Variants in GALNTL6 observed in about 807,000 individuals in gnomAD.
GALNTL6 encodes the protein polypeptide N-acetylgalactosaminyltransferase-like 6.
GALNTL6 carries 46 observed loss-of-function variants against 73.7 expected under a neutral mutation model. The ratio of observed to expected loss-of-function variants is 0.62; its 90% CI spans 0.49 to 0.80. The LOEUF (loss-of-function observed/expected upper bound fraction) is 0.80. Among genes scored for constraint, GALNTL6 ranks in the 30% least tolerant of loss-of-function variants. The pLI, the probability that GALNTL6 is intolerant of heterozygous loss-of-function variation, is 0.00. For missense variants in GALNTL6, 604 were observed against 755.0 expected (o/e 0.80, Z 2.34); for synonymous variants, 259 against 263.7 (o/e 0.98, Z 0.17).
chr4:172,768,191 C>T (rs1738553031), intron 5 of GALNTL6, among the ~76,000 whole-genome samples: 1 of 152,118 alleles, frequency 6.6e-6, no homozygotes, highest in Admixed American at 6.5e-5. Flanking sequence ...ATGTATGGAA[C>T]TCAGTGCTAC....
chr4:172,440,472 G>T lies in GALNTL6; in HGVS notation c.553+91783G>T, dbSNP rs572883243. Among the ~76,000 whole-genome samples the T allele has an allele frequency of 1.2e-4, 19 of 152,218 alleles. 1 individual carries two copies. In the South Asian group the frequency reaches 3.5e-3, roughly 28 times the overall value. On this transcript the variant is annotated intron_variant, in intron 5 of 12. Transcript: ENST00000506823. ...AGTAAAAAGATATATGGTTGCTGAG[G>T]GTTGGGGTATTGGGAGGGTTGACTA...
chr4:172,233,956 A>C (rs1228264159), intron 3 of GALNTL6, among the ~76,000 whole-genome samples: 1 of 151,908 alleles, frequency 6.6e-6, no homozygotes. Flanking sequence ...TGGCTTTGTA[A>C]TTTTGTTCTC....
At chr4:172,113,070 TA>T (rs1437497597) in intron 2 of GALNTL6, among the ~76,000 whole-genome samples, 1 of 151,986 alleles carries the variant, frequency 6.6e-6, no homozygotes, top group African/African-American at 2.4e-5. Context: ...CGAGAATATA[TA>T]GGTAGGTAAA....
intron 3 of GALNTL6, among the ~76,000 whole-genome samples, chr4:172,257,968 C>T (rs570311937): frequency 6.6e-6 from 1 of 151,292 alleles, no homozygotes; most frequent in South Asian, 2.1e-4. Context: ...TACTGATCAC[C>T]ACCACTACCC....
intron 2 of GALNTL6, among the ~76,000 whole-genome samples, chr4:172,003,149 G>A (rs1237832214): frequency 2.0e-5 from 3 of 151,844 alleles, no homozygotes; most frequent in African/African-American, 7.3e-5. Context: ...TTGTTCTTAG[G>A]ATTTACATAT....
intron 7 of GALNTL6, among the ~76,000 whole-genome samples, chr4:172,861,334 T>TGTGTGTG (rs1180573297): frequency 8.6e-5 from 13 of 151,484 alleles, no homozygotes; most frequent in Admixed American, 8.6e-4. Context: ...TGTGTGTGTG[T>TGTGTGTG]GTGTGTGTGT....
At chr4:173,019,416 G>A (rs1189609223) in intron 11 of GALNTL6, among the ~76,000 whole-genome samples, 1 of 152,158 alleles carries the variant, frequency 6.6e-6, no homozygotes, top group East Asian at 1.9e-4. Flanking sequence ...ACCTGCAGTG[G>A]AGAGATGCAT....
chr4:172,186,858 A>G (rs1006469326), intron 2 of GALNTL6, among the ~76,000 whole-genome samples: 1 of 152,116 alleles, frequency 6.6e-6, no homozygotes, highest in Non-Finnish European at 1.5e-5. Context: ...AGAGATGATG[A>G]TTGTACAACA....
intron 10 of GALNTL6, among the ~76,000 whole-genome samples, chr4:172,952,555 T>G (rs1341426040): frequency 2.0e-5 from 3 of 151,940 alleles, no homozygotes; most frequent in Admixed American, 2.0e-4. Context: ...TCGCTCTGTC[T>G]TCCAGGCTGG....
In GALNTL6 at chr4:171,924,183, TACAC is replaced by T. The variant is rs371649848; in HGVS notation, c.138+109493_138+109496del. Among the ~76,000 whole-genome samples, 428 of 142,542 alleles carry T rather than the reference TACAC, an allele frequency of 3.0e-3. 2 individuals are homozygous for T. The highest frequency in any genetic ancestry group is 8.2e-3 in the African/African-American group (321 of 38,916). 93.5% of individuals were successfully genotyped at this position (142,542 alleles called of 152,430 possible). ...GGTTAAAAAAAATACACCACACACATACACACACACACACACACACACACACACA... is the reference window on the plus strand; with the variant it reads ...GGTTAAAAAAAATACACCACACACATACACACACACACACACACACACACA... On this transcript the variant is annotated intron_variant, in intron 2 of 12. Coordinates refer to ENST00000506823, the MANE Select transcript of GALNTL6 (RefSeq NM_001034845.3).
Position 172,908,609 on chromosome 4 carries a change from AGTGTGT to A in GALNTL6, c.1042-22527_1042-22522del, listed in dbSNP as rs200044918. ...CCTGGGTAAAATATGCATGAGCGTGAGTGTGTGTGTGTGTGTGTGTGTGTGTGTGTA... is the reference window on the plus strand; with the variant it reads ...CCTGGGTAAAATATGCATGAGCGTGAGTGTGTGTGTGTGTGTGTGTGTGTA... On this transcript the variant is annotated intron_variant, in intron 8 of 12. Coordinates refer to ENST00000506823, the MANE Select transcript of GALNTL6 (RefSeq NM_001034845.3). 1.9e-3 allele frequency among the ~76,000 whole-genome samples: 272 copies of A among 145,972 alleles called. 1 individual carries two copies. The highest frequency in any genetic ancestry group is 6.3e-3 in the African/African-American group (252 of 40,074).
At chr4:172,927,936 G>A (rs1487099552) in intron 8 of GALNTL6, among the ~76,000 whole-genome samples, 3 of 152,184 alleles carry the variant, frequency 2.0e-5, no homozygotes, top group Admixed American at 6.5e-5. Context: ...GTTGGTTACC[G>A]AGGTCACATT....
intron 5 of GALNTL6, among the ~76,000 whole-genome samples, chr4:172,570,670 A>G (rs1736727273): frequency 6.6e-6 from 1 of 152,134 alleles, no homozygotes; most frequent in South Asian, 2.1e-4. Flanking sequence ...TTTTTCACAG[A>G]CCAGTGGTGG....
At chr4:173,000,954 A>C (rs1752018899) in intron 10 of GALNTL6, among the ~76,000 whole-genome samples, 1 of 152,200 alleles carries the variant, frequency 6.6e-6, no homozygotes. Context: ...GTTATTGCAG[A>C]TGTAATTAAT....
chr4:171,822,019 G>A (rs1019297140), intron 2 of GALNTL6, among the ~76,000 whole-genome samples: 28 of 151,932 alleles, frequency 1.8e-4, no homozygotes, highest in Admixed American at 3.9e-4. Context: ...AAGAAAAAAG[G>A]CAATATTTCT....
At chr4:171,844,588 G>A (rs1467848115) in intron 2 of GALNTL6, among the ~76,000 whole-genome samples, 12 of 152,222 alleles carry the variant, frequency 7.9e-5, no homozygotes, top group African/African-American at 2.4e-4. Context: ...CAGACAGTTC[G>A]TTGATGTGAC....
chr4:172,630,755 A>C (rs553853752), intron 5 of GALNTL6, among the ~76,000 whole-genome samples: 1 of 150,616 alleles, frequency 6.6e-6, no homozygotes, highest in South Asian at 2.1e-4. Flanking sequence ...GCATTTCCAC[A>C]AAGCTATCTT....
chr4:171,864,116 T>G (rs1470533070), intron 2 of GALNTL6, among the ~76,000 whole-genome samples: 6 of 152,212 alleles, frequency 3.9e-5, no homozygotes, highest in Admixed American at 3.3e-4. Flanking sequence ...TTTCATAGTT[T>G]GTTTTGTTGA....
intron 2 of GALNTL6, among the ~76,000 whole-genome samples, chr4:171,986,225 G>A (rs1740079124): frequency 1.3e-5 from 2 of 151,730 alleles, no homozygotes; most frequent in African/African-American, 4.8e-5. Context: ...GGAGATAAGG[G>A]TGGGGCTGTT....
Sources: gnomAD v4.1 joint callset for allele counts (sites outside exome capture counted in the v4.1 genomes callset) on GRCh38, gnomAD v4.1.1 for gene constraint, MANE v1.5 for transcripts, NCBI Gene and HGNC (gene_info 2026-07-23, HGNC 2026-07-21) for gene names.